The following ZNF438 variants were observed in gnomAD, a reference collection of about 807,000 sequenced individuals.
The protein encoded by ZNF438 is zinc finger protein 438.
ZNF438 carries 25 observed loss-of-function variants against 38.0 expected under a neutral mutation model. The ratio of observed to expected loss-of-function variants is 0.66; its 90% CI spans 0.48 to 0.92. The LOEUF (loss-of-function observed/expected upper bound fraction) is 0.92. ZNF438 is among the 40% of genes least tolerant of loss of function. ZNF438 has a pLI of 0.00. For missense variants in ZNF438, 1,007 were observed against 999.6 expected (o/e 1.01, Z -0.10); for synonymous variants, 372 against 364.1 (o/e 1.02, Z -0.25).
At chr10:30,873,855 T>C (rs1180069478) in intron 4 of ZNF438, among the ~76,000 whole-genome samples, 1 of 152,126 alleles carries the variant, frequency 6.6e-6, no homozygotes, top group African/African-American at 2.4e-5. Flanking sequence ...AATTTAAGCC[T>C]CACAACTCTG....
intron 4 of ZNF438, among the ~76,000 whole-genome samples, chr10:30,854,413 T>C (rs1219817426): frequency 1.3e-5 from 2 of 152,190 alleles, no homozygotes; most frequent in East Asian, 1.9e-4. Flanking sequence ...GGGCCTACAG[T>C]GTCCAGTACG....
intron 3 of ZNF438, among the ~76,000 whole-genome samples, chr10:30,903,304 G>A (rs944536013): frequency 5.9e-5 from 9 of 152,334 alleles, no homozygotes; most frequent in East Asian, 1.9e-4. Flanking sequence ...TGCCAAGGCC[G>A]AGGAGGCACC....
intron 4 of ZNF438, among the ~76,000 whole-genome samples, chr10:30,867,608 G>A (rs1446109691): frequency 5.3e-5 from 8 of 152,106 alleles, no homozygotes; most frequent in Non-Finnish European, 1.0e-4. Context: ...TGAATTAGAT[G>A]AAATCTAACT....
chr10:30,910,615 T>C (rs942999862), intron 2 of ZNF438, among the ~76,000 whole-genome samples: 1 of 150,816 alleles, frequency 6.6e-6, no homozygotes, highest in Non-Finnish European at 1.5e-5. Flanking sequence ...CAACTTTATA[T>C]GTTAGTATTG....
At chr10:30,921,250 A>G (rs1474218444) in intron 2 of ZNF438, 1 of 152,236 alleles carries the variant, frequency 6.6e-6, no homozygotes, top group Non-Finnish European at 1.5e-5. Flanking sequence ...GTTCAAGTAC[A>G]TCTTTACCTT....
At chr10:30,907,585 G>A (rs921684225) in intron 3 of ZNF438, among the ~76,000 whole-genome samples, 35 of 152,106 alleles carry the variant, frequency 2.3e-4, no homozygotes, top group Non-Finnish European at 3.4e-4. Context: ...TCTTGACTCC[G>A]TTTTGGTAGT....
intron 4 of ZNF438, among the ~76,000 whole-genome samples, chr10:30,859,083 G>C (rs942651358): frequency 8.6e-5 from 13 of 152,024 alleles, no homozygotes; most frequent in African/African-American, 2.4e-4. Context: ...AACCACTGTT[G>C]TATCTGTTTG....
chr10:30,902,952 G>C (rs574150798), intron 3 of ZNF438, among the ~76,000 whole-genome samples: 1 of 151,772 alleles, frequency 6.6e-6, no homozygotes, highest in African/African-American at 2.4e-5. Flanking sequence ...CCTTCCCTGC[G>C]GGGAGGCAGC....
chr10:30,860,249 A>T (rs959957546), intron 4 of ZNF438, among the ~76,000 whole-genome samples: 3 of 152,238 alleles, frequency 2.0e-5, no homozygotes, highest in Non-Finnish European at 1.5e-5. Context: ...AATCCAAAAC[A>T]GACAAGCCTT....
intron 4 of ZNF438, among the ~76,000 whole-genome samples, chr10:30,872,473 A>C (rs2037623932): frequency 1.5e-5 from 2 of 136,802 alleles, no homozygotes; most frequent in African/African-American, 2.6e-5. Flanking sequence ...AAAAGAGGTC[A>C]GGCGCAGTGG....
chr10:30,911,200 C>A (rs919328871), intron 2 of ZNF438, among the ~76,000 whole-genome samples: 1 of 152,002 alleles, frequency 6.6e-6, no homozygotes, highest in African/African-American at 2.4e-5. Flanking sequence ...TAAAATGTAG[C>A]CACAGTACCA....
chr10:30,974,034 T>G (rs1223694038), intron 1 of ZNF438, among the ~76,000 whole-genome samples: 1 of 152,198 alleles, frequency 6.6e-6, no homozygotes, highest in Non-Finnish European at 1.5e-5. Context: ...CAGTGTGACC[T>G]GCAGCCTAAT....
chr10:30,941,027 TAGAC>T lies in ZNF438; in HGVS notation c.-115+544_-115+547del, dbSNP rs531055901. 2.6e-5 allele frequency among the ~76,000 whole-genome samples: 4 copies of T among 152,288 alleles called. No individual in the cohort carries two copies. In the East Asian group the frequency reaches 7.7e-4, roughly 29 times the overall value. The stretch of plus-strand genomic sequence containing the variant: ...ATGATTTTAAGGTGTTAGTCTCACT[TAGAC>T]AAATAACACCAAGAGTTTAAAACTG... On this transcript the variant is annotated intron_variant, in intron 2 of 5. Transcript: ENST00000413025.
chr10:30,870,295 GGA>G (rs1564530501), intron 4 of ZNF438, among the ~76,000 whole-genome samples: 2 of 151,060 alleles, frequency 1.3e-5, no homozygotes, highest in Non-Finnish European at 2.9e-5. Flanking sequence ...GGACATGTGT[GGA>G]GAAAAAAAAA....
intron 3 of ZNF438, among the ~76,000 whole-genome samples, chr10:30,879,787 A>T (rs1454517598): frequency 6.6e-6 from 1 of 152,278 alleles, no homozygotes; most frequent in Non-Finnish European, 1.5e-5. Context: ...CAGTAAAATT[A>T]AAAAAACAAA....
At chr10:30,851,586 G>T (rs1803874661) in intron 4 of ZNF438, among the ~76,000 whole-genome samples, 1 of 152,232 alleles carries the variant, frequency 6.6e-6, no homozygotes, top group South Asian at 2.1e-4. Context: ...TGTACTAAAT[G>T]TTACATAACT....
intron 1 of ZNF438, among the ~76,000 whole-genome samples, chr10:30,949,179 C>A (rs373754725): frequency 0.064 from 9,371 of 147,542 alleles, 381 homozygotes; most frequent in Non-Finnish European, 0.088. Context: ...GAAATAAAAT[C>A]CTTTACAGAC....
chr10:30,909,119 G>A (rs1015527827), intron 2 of ZNF438, 104 bp from the exon 4 acceptor site: 1 of 152,046 alleles, frequency 6.6e-6, no homozygotes, highest in Non-Finnish European at 1.5e-5. Context: ...AAAAATAACA[G>A]TATTTAGGAT....
intron 1 of ZNF438, among the ~76,000 whole-genome samples, chr10:31,027,774 T>G (rs1457456464): frequency 1.3e-5 from 2 of 152,202 alleles, no homozygotes; most frequent in Non-Finnish European, 2.9e-5. Context: ...CCTCTACATT[T>G]ACGTTAGTAG....
Sources: allele counts gnomAD v4.1 joint callset (sites outside exome capture counted in the v4.1 genomes callset), GRCh38; gene constraint gnomAD v4.1.1; transcripts MANE v1.5; gene names NCBI Gene and HGNC (gene_info 2026-07-23, HGNC 2026-07-21).